Variants in SLC25A37 observed in about 807,000 individuals in gnomAD.
The protein encoded by SLC25A37 is solute carrier family 25 member 37.
A neutral mutation model predicts 31.0 loss-of-function variants in SLC25A37; 17 were observed. The ratio of observed to expected loss-of-function variants is 0.55; its 90% CI spans 0.38 to 0.82. SLC25A37 has a LOEUF of 0.82. Among genes scored for constraint, SLC25A37 ranks in the 40% least tolerant of loss-of-function variants. The pLI is 0.00. For missense variants in SLC25A37, 404 were observed against 465.8 expected (o/e 0.87, Z 1.22); for synonymous variants, 222 against 193.0 (o/e 1.15, Z -1.24).
In SLC25A37 at chr8:23,566,433, G is replaced by C. The variant is rs1038349588; in HGVS notation, c.439+97G>C. 6.7e-6 allele frequency: 10 copies of C among 1,498,530 alleles called. No homozygotes were observed. The African/African-American group carries it at 1.4e-4, about 21-fold the overall frequency. The allele number at this position is 1,498,530 out of a possible 1,614,324, so 92.8% of individuals were successfully genotyped here. A position where few individuals can be genotyped will look rare whatever the true frequency, so the allele number is the denominator to read the frequency against. On this transcript the variant is annotated intron_variant, in intron 2 of 3. Coordinates refer to ENST00000519973, the MANE Select transcript of SLC25A37 (RefSeq NM_016612.4). ...CCTGTGACCCAGCCGCCTCGACTTC[G>C]GCCCGCTTGCTCACGAATAAAGAAC...
At chr8:23,558,993 C>A (rs1421478359) in intron 1 of SLC25A37, among the ~76,000 whole-genome samples, 1 of 152,218 alleles carries the variant, frequency 6.6e-6, no homozygotes, top group Non-Finnish European at 1.5e-5. Flanking sequence ...CCTGGATGTT[C>A]TTGGCACTTG....
intron 1 of SLC25A37, among the ~76,000 whole-genome samples, chr8:23,565,173 A>G (rs866387170): frequency 2.6e-5 from 4 of 152,314 alleles, no homozygotes; most frequent in Middle Eastern, 3.4e-3. Flanking sequence ...ATACAGGTTA[A>G]TCTACTTTAT....
chr8:23,546,647 A>G (rs1202302457), intron 1 of SLC25A37, among the ~76,000 whole-genome samples: 1 of 146,846 alleles, frequency 6.8e-6, no homozygotes, highest in Non-Finnish European at 1.5e-5. Context: ...TGGGCCAGGA[A>G]GGGTGAAGTG....
In SLC25A37 at chr8:23,568,398, G is replaced by T; in HGVS notation, c.496+20G>T. 1 of 1,613,948 alleles carries T rather than the reference G, an allele frequency of 6.2e-7. No homozygotes were observed. Among genetic ancestry groups the T allele is most frequent in the Non-Finnish European group, 8.5e-7 (1 of 1,179,860 alleles). On this transcript the variant is annotated intron_variant, in intron 3 of 3. Transcript: ENST00000519973. ...CAGAAGGTAATGTTTCATGGTCCCA[G>T]GGAGGGGCAGTAGGGGATGTGCAAA... is the stretch of plus-strand genomic sequence containing the variant.
intron 1 of SLC25A37, among the ~76,000 whole-genome samples, chr8:23,562,798 A>G (rs1035584974): frequency 1.3e-5 from 2 of 152,138 alleles, no homozygotes; most frequent in Admixed American, 1.3e-4. Flanking sequence ...GGGTCACACC[A>G]TGAGTGATGG....
Position 23,571,995 on chromosome 8 carries a change from A to G in SLC25A37, c.*140A>G, listed in dbSNP as rs1802865782. On this transcript the variant is annotated 3_prime_UTR_variant, in exon 4 of 4. Transcript: ENST00000519973. ...TGCTCCCCAATGCCTTAGAGAGAGGAGGGGACGGCACGGCCGCTCACCGGA... is the reference window on the plus strand; with the variant it reads ...TGCTCCCCAATGCCTTAGAGAGAGGGGGGGACGGCACGGCCGCTCACCGGA... 2.1e-6 allele frequency: 2 copies of G among 956,486 alleles called. No homozygotes were observed. The highest frequency in any genetic ancestry group is 1.5e-6 in the Non-Finnish European group (1 of 650,034). 59.2% of individuals were successfully genotyped at this position (956,486 alleles called of 1,614,324 possible). A position where few individuals can be genotyped will look rare whatever the true frequency, so the allele number is the denominator to read the frequency against.
intron 1 of SLC25A37, among the ~76,000 whole-genome samples, chr8:23,549,346 G>A (rs1025780578): frequency 1.3e-5 from 2 of 152,104 alleles, no homozygotes; most frequent in East Asian, 3.8e-4. Context: ...ATTGTATGCC[G>A]GAGCTCTTGG....
At chr8:23,535,497 G>A (rs1801747912) in intron 1 of SLC25A37, among the ~76,000 whole-genome samples, 1 of 152,110 alleles carries the variant, frequency 6.6e-6, no homozygotes, top group Non-Finnish European at 1.5e-5. Context: ...TATCAATGTG[G>A]CAGAGAAGGG....
At chr8:23,559,812 G>A (rs1398000360) in intron 1 of SLC25A37, among the ~76,000 whole-genome samples, 1 of 152,184 alleles carries the variant, frequency 6.6e-6, no homozygotes, top group African/African-American at 2.4e-5. Context: ...TATCTATGTT[G>A]TAGCCTGTGT....
chr8:23,571,501 C>A lies in SLC25A37; in HGVS notation c.663C>A (p.Phe221Leu). The A allele has an allele frequency of 6.2e-7, 1 of 1,614,038 alleles. No homozygotes were observed. Among genetic ancestry groups the A allele is most frequent in the South Asian group, 1.1e-5 (1 of 91,084 alleles). Residue 221 changes from phenylalanine to leucine, a missense_variant, in exon 4 of 4, where the codon TTC becomes TTA. Coordinates refer to ENST00000519973, the MANE Select transcript of SLC25A37 (RefSeq NM_016612.4). ...FQSIHFITYE[F>L]LQEQVNPHRT... ...CCATCCACTTCATCACCTATGAGTT[C>A]CTGCAGGAGCAGGTCAACCCCCACC...
chr8:23,540,488 A>T (rs12548201), intron 1 of SLC25A37, among the ~76,000 whole-genome samples: 1 of 151,980 alleles, frequency 6.6e-6, no homozygotes. Flanking sequence ...GCTCTAACGT[A>T]TAGTTAGGAG....
At chr8:23,539,834 C>G (rs1280542162) in intron 1 of SLC25A37, among the ~76,000 whole-genome samples, 1 of 152,238 alleles carries the variant, frequency 6.6e-6, no homozygotes, top group Admixed American at 6.5e-5. Context: ...ACCTCTGCAG[C>G]CAGACTGCCT....
intron 1 of SLC25A37, among the ~76,000 whole-genome samples, chr8:23,533,534 A>G (rs1470984158): frequency 6.6e-6 from 1 of 152,138 alleles, no homozygotes; most frequent in Non-Finnish European, 1.5e-5. Context: ...AGCAGTGACC[A>G]GTCTTGGGGA....
intron 1 of SLC25A37, among the ~76,000 whole-genome samples, chr8:23,537,306 C>T (rs756111256): frequency 1.3e-5 from 2 of 151,942 alleles, no homozygotes; most frequent in African/African-American, 2.4e-5. Flanking sequence ...CACACACCAT[C>T]GTTTATTTAT....
intron 1 of SLC25A37, among the ~76,000 whole-genome samples, chr8:23,548,727 C>A (rs1327006877): frequency 1.3e-5 from 2 of 152,176 alleles, no homozygotes; most frequent in East Asian, 3.8e-4. Flanking sequence ...ACCTCAGCCT[C>A]CTAAAGTGCT....
chr8:23,552,832 C>G (rs895846832), intron 1 of SLC25A37, among the ~76,000 whole-genome samples: 5 of 152,200 alleles, frequency 3.3e-5, no homozygotes, highest in African/African-American at 1.2e-4. Flanking sequence ...TGTTTGCTCA[C>G]TGGCAGAACA....
intron 1 of SLC25A37, chr8:23,531,697 G>A (rs963364425): frequency 2.0e-5 from 3 of 152,176 alleles, no homozygotes; most frequent in African/African-American, 7.2e-5. Context: ...AATGTGGACT[G>A]TGGAGCTCTG....
At chr8:23,569,989 G>A (rs1802777347) in intron 3 of SLC25A37, among the ~76,000 whole-genome samples, 1 of 152,140 alleles carries the variant, frequency 6.6e-6, no homozygotes, top group Non-Finnish European at 1.5e-5. Context: ...TGTCTTTCAA[G>A]GTGAAGCTAT....
At position 23,529,987 on chromosome 8, in the gene SLC25A37, CG is replaced by C. The variant is rs1364068529; in HGVS notation, c.210+777del. Among the ~76,000 whole-genome samples, 1 of 152,104 alleles carries C rather than the reference CG, an allele frequency of 6.6e-6. No individual in the cohort carries two copies. The highest frequency in any genetic ancestry group is 2.1e-4 in the South Asian group (1 of 4,832). ...TTTAAACCCTGTCTGTCACTTGCCC[CG>C]GTAGTTTTAACTGCATTTCTGTAAA... On this transcript the variant is annotated intron_variant, in intron 1 of 3. Transcript: ENST00000519973. This position sits in a 1 kb window ranked among gnomAD's most constrained non-coding sequence, Gnocchi z 4.1.
Sources: gnomAD v4.1 joint callset for allele counts (sites outside exome capture counted in the v4.1 genomes callset) on GRCh38, gnomAD v4.1.1 for gene constraint, Gnocchi (gnomAD v3.1) non-coding constraint, MANE v1.5 for transcripts, NCBI Gene and HGNC (gene_info 2026-07-23, HGNC 2026-07-21) for gene names.